Variants in ATXN1 observed in about 807,000 individuals in gnomAD.
ATXN1 encodes ataxin-1.
A neutral mutation model predicts 56.4 loss-of-function variants in ATXN1; 8 were observed. That is an observed-to-expected ratio of 0.14 (90% CI 0.08 to 0.26). ATXN1 has a LOEUF of 0.26. ATXN1 is among the 10% of genes least tolerant of loss of function. ATXN1 has a pLI of 1.00. For synonymous variants in ATXN1, 514 were observed against 494.6 expected, an observed-to-expected ratio of 1.04 and a Z score of -0.52; for missense variants, 987 against 1,106.5, an observed-to-expected ratio of 0.89 and a Z score of 1.53.
chr6:16,755,485 G>A (rs188888624), intron 1 of ATXN1, among the ~76,000 whole-genome samples: 79 of 152,108 alleles, frequency 5.2e-4, no homozygotes, highest in African/African-American at 1.7e-3. Context: ...CAAGAAAGAC[G>A]GCCTAAACAA....
intron 6 of ATXN1, among the ~76,000 whole-genome samples, chr6:16,463,772 T>C (rs935401875): frequency 2.6e-5 from 4 of 152,238 alleles, no homozygotes; most frequent in African/African-American, 9.6e-5. Flanking sequence ...TTGGGCAACA[T>C]GGTTTCTCCC....
chr6:16,712,252 T>TTCTTTTCACTATTAATAATAAAC (rs1759540053), intron 2 of ATXN1, among the ~76,000 whole-genome samples: 1 of 152,172 alleles, frequency 6.6e-6, no homozygotes, highest in Non-Finnish European at 1.5e-5. Context: ...AAGATGTACT[T>TTCTTTTCACTATTAATAATAAAC]TCTTTTCACT....
At chr6:16,495,650 G>A (rs980258748) in intron 5 of ATXN1, among the ~76,000 whole-genome samples, 2 of 152,152 alleles carry the variant, frequency 1.3e-5, no homozygotes, top group African/African-American at 2.4e-5. Flanking sequence ...ATCATTTGAG[G>A]TCAGGAGTTC....
At position 16,327,138 on chromosome 6, in the gene ATXN1, G is replaced by A. The variant is rs747849396; in HGVS notation, c.1173C>T (p.Pro391=). 6.2e-6 allele frequency: 10 copies of A among 1,613,458 alleles called. No homozygotes were observed. The highest frequency in any genetic ancestry group is 1.7e-5 in the Admixed American group (1 of 60,012). Residue 391 remains proline (P), a synonymous_variant, in exon 7 of 8, where the codon CCC becomes CCT. Transcript: ENST00000436367. The part of the protein sequence containing the change: ...SVMVLPNSNT[P]AADLEVQQAT... ...CCTGTTGCACCTCCAGGTCAGCTGC[G>A]GGCGTGTTGCTGTTGGGCAGGACCA...
rs547485660 is a variant in ATXN1 at position 16,513,163 on chromosome 6, A to G, written c.-299+9464T>C. 2.6e-5 allele frequency among the ~76,000 whole-genome samples: 4 copies of G among 152,336 alleles called. No homozygotes were observed. The South Asian group carries it at 8.3e-4, about 32-fold the overall frequency. On this transcript the variant is annotated intron_variant, in intron 5 of 7. Coordinates refer to ENST00000436367, the MANE Select transcript of ATXN1 (RefSeq NM_001128164.2). ...TTTTCAGCTCCTGAGTTGAGAAGAC[A>G]TATTAAAAACCCAGCAACATGTTTA...
rs377133455 is a variant in ATXN1, at chr6:16,551,389, A to G, written c.-360-28701T>C. On this transcript the variant is annotated intron_variant, in intron 4 of 7. Coordinates refer to ENST00000436367, the MANE Select transcript of ATXN1 (RefSeq NM_001128164.2). Reference sequence around the variant, plus strand: ...TCTGAATTCATGAAAGAAAGATTCCAGAAGGAAGTGGAATCTGAGCTAATG... The same window carrying G: ...TCTGAATTCATGAAAGAAAGATTCCGGAAGGAAGTGGAATCTGAGCTAATG... Among the ~76,000 whole-genome samples, 8 of 150,190 alleles carry G rather than the reference A, an allele frequency of 5.3e-5. No homozygotes were observed. In the East Asian group the frequency reaches 1.6e-3, roughly 30 times the overall value.
intron 3 of ATXN1, among the ~76,000 whole-genome samples, chr6:16,624,090 C>A (rs959896572): frequency 1.3e-4 from 20 of 152,112 alleles, no homozygotes; most frequent in African/African-American, 4.3e-4. Flanking sequence ...GTGGCTCGCA[C>A]CTGTAATCCC....
intron 2 of ATXN1, among the ~76,000 whole-genome samples, chr6:16,658,386 A>G (rs2073516): frequency 0.69 from 105,630 of 152,158 alleles, 38,063 homozygotes; most frequent in African/African-American, 0.88. Context: ...AAGATAAAGC[A>G]TAAGAGAGAG....
At chr6:16,484,031 C>T (rs1760490751) in intron 6 of ATXN1, among the ~76,000 whole-genome samples, 1 of 152,100 alleles carries the variant, frequency 6.6e-6, no homozygotes, top group South Asian at 2.1e-4. Flanking sequence ...TTGATAGTGA[C>T]AGAAACTTTT....
intron 6 of ATXN1, among the ~76,000 whole-genome samples, chr6:16,355,601 G>A (rs1027082114): frequency 2.0e-5 from 3 of 148,022 alleles, no homozygotes; most frequent in Non-Finnish European, 3.0e-5. Context: ...TCGCTCTGTC[G>A]CCCAGGCCGG....
chr6:16,320,928 T>C (rs767647104), intron 7 of ATXN1, among the ~76,000 whole-genome samples: 1 of 152,196 alleles, frequency 6.6e-6, no homozygotes, highest in Non-Finnish European at 1.5e-5. Context: ...ATTGGAAAAG[T>C]TCAGCCTTCT....
At chr6:16,344,331 G>A (rs1761329428) in intron 6 of ATXN1, among the ~76,000 whole-genome samples, 2 of 152,234 alleles carry the variant, frequency 1.3e-5, no homozygotes, top group Admixed American at 6.5e-5. Flanking sequence ...TGATTGGATT[G>A]AAGGATGCAA....
intron 6 of ATXN1, among the ~76,000 whole-genome samples, chr6:16,359,747 C>T (rs146664433): frequency 1.7e-4 from 26 of 152,228 alleles, no homozygotes; most frequent in Middle Eastern, 3.4e-3. Context: ...TCTTTCTGGA[C>T]GCAGGACAAA....
intron 4 of ATXN1, among the ~76,000 whole-genome samples, chr6:16,585,537 C>T (rs1390982022): frequency 1.3e-5 from 2 of 152,092 alleles, no homozygotes; most frequent in Non-Finnish European, 2.9e-5. Flanking sequence ...TCAGCAATGC[C>T]TTGTCATCTA....
intron 6 of ATXN1, among the ~76,000 whole-genome samples, chr6:16,437,403 G>A (rs575861031): frequency 1.3e-5 from 2 of 152,138 alleles, no homozygotes; most frequent in Non-Finnish European, 2.9e-5. Flanking sequence ...TACATGGGAA[G>A]GGCTGTGCGG....
intron 2 of ATXN1, among the ~76,000 whole-genome samples, chr6:16,719,732 T>A (rs1386267217): frequency 6.6e-6 from 1 of 152,134 alleles, no homozygotes; most frequent in East Asian, 1.9e-4. Context: ...ACCACTGTTC[T>A]TCTAAGAGAC....
intron 6 of ATXN1, among the ~76,000 whole-genome samples, chr6:16,428,359 T>A (rs1037294381): frequency 6.6e-6 from 1 of 152,016 alleles, no homozygotes. Context: ...CCTCAGGCGA[T>A]CCACCTGCCT....
At chr6:16,432,481 C>A (rs1759306283) in intron 6 of ATXN1, 1 of 152,022 alleles carries the variant, frequency 6.6e-6, no homozygotes, top group African/African-American at 2.4e-5. Flanking sequence ...GCTTGAAGAC[C>A]AAACAGATTT....
At chr6:16,347,460 A>C (rs910648776) in intron 6 of ATXN1, among the ~76,000 whole-genome samples, 2 of 152,084 alleles carry the variant, frequency 1.3e-5, no homozygotes, top group Non-Finnish European at 2.9e-5. Context: ...GTAACTAGCT[A>C]CTCTGGTGGG....
Sources: allele counts gnomAD v4.1 joint callset (sites outside exome capture counted in the v4.1 genomes callset), GRCh38; gene constraint gnomAD v4.1.1; transcripts MANE v1.5; gene names NCBI Gene and HGNC (gene_info 2026-07-23, HGNC 2026-07-21).